The following WDR36 variants were observed in gnomAD, a reference collection of about 807,000 sequenced individuals.
The protein encoded by WDR36 is WD repeat-containing protein 36.
WDR36 carries 63 observed loss-of-function variants against 112.7 expected under a neutral mutation model. The observed-to-expected ratio is 0.56, with a 90% confidence interval of 0.46 to 0.69. The LOEUF (loss-of-function observed/expected upper bound fraction) is 0.69. WDR36 is among the 30% of genes least tolerant of loss of function. The pLI is 0.00. For missense variants in WDR36, 1,226 were observed against 1,070.3 expected, an observed-to-expected ratio of 1.15 and a Z score of -2.03; for synonymous variants, 410 against 362.2, an observed-to-expected ratio of 1.13 and a Z score of -1.50.
At position 111,126,931 on chromosome 5, in the gene WDR36, T is replaced by C; in HGVS notation, c.*48T>C. ...AGACTTTCATATTAAATGGGTTCAATTGAACTCATTTCTTATTTTCCAAGT... is the reference window on the plus strand; with the variant it reads ...AGACTTTCATATTAAATGGGTTCAACTGAACTCATTTCTTATTTTCCAAGT... On this transcript the variant is annotated 3_prime_UTR_variant, in exon 23 of 23. Transcript: ENST00000513710. 6.7e-7 allele frequency: 1 copy of C among 1,489,828 alleles called. No individual in the cohort carries two copies. Among genetic ancestry groups the C allele is most frequent in the Non-Finnish European group, 9.1e-7 (1 of 1,104,802 alleles). The allele number at this position is 1,489,828 out of a possible 1,614,324, so 92.3% of individuals were successfully genotyped here.
intron 15 of WDR36, 169 bp downstream of exon 15, chr5:111,111,447 C>G: frequency 1.6e-6 from 1 of 620,716 alleles, no homozygotes. Flanking sequence ...TAATATTTTT[C>G]AGGGAGTTGA....
chr5:111,118,975 G>C (rs940180849), intron 16 of WDR36, 38 bp from the exon 17 acceptor site: 4 of 1,510,610 alleles, frequency 2.6e-6, no homozygotes, highest in African/African-American at 1.4e-5. Flanking sequence ...CTTTTTGGTA[G>C]AGTTCAAATA....
In WDR36 at chr5:111,125,228, A is replaced by G. The variant is rs149412285; in HGVS notation, c.2351-380A>G. 2.2e-3 allele frequency among the ~76,000 whole-genome samples: 329 copies of G among 152,340 alleles called. 5 individuals are homozygous for G. Among genetic ancestry groups the G allele is most frequent in the East Asian group, 0.014 (72 of 5,190 alleles). ...ATTATTTTACCTCATCAGATTCCCA[A>G]TGCTAACCACTATTAATACTTTTGT... On this transcript the variant is annotated intron_variant, in intron 21 of 22. Transcript: ENST00000513710.
chr5:111,092,830 C>T (rs1303858292), intron 1 of WDR36, among the ~76,000 whole-genome samples: 1 of 152,260 alleles, frequency 6.6e-6, no homozygotes, highest in African/African-American at 2.4e-5. Flanking sequence ...GCAGCCTGGC[C>T]AAGGGGAAAC....
chr5:111,104,386 A>G, intron 8 of WDR36, 34 bp downstream of exon 8: 1 of 1,610,946 alleles, frequency 6.2e-7, no homozygotes, highest in Non-Finnish European at 8.5e-7. Context: ...TTCCTGGCTC[A>G]TCTAACTTAC....
rs80082101 is a variant in WDR36, at chr5:111,105,299, A to C, written c.1032A>C (p.Gln344His). 3 of 1,609,958 alleles carry C rather than the reference A, an allele frequency of 1.9e-6. No homozygotes were observed. Among genetic ancestry groups the C allele is most frequent in the East Asian group, 4.5e-5 (2 of 44,708 alleles). Residue 344 changes from glutamine to histidine, a missense_variant, in exon 10 of 23, where the codon CAA (glutamine) becomes CAC (histidine). Transcript: ENST00000513710. ...QNGQQILSAS[Q>H]DGTLQSFSTV... is the part of the protein sequence containing the mutation. Reference sequence around the variant, plus strand: ...ATTTTCTGTGTATATCAACAGGTCAAGATGGAACTCTTCAGTCATTTTCCA... The same window carrying C: ...ATTTTCTGTGTATATCAACAGGTCACGATGGAACTCTTCAGTCATTTTCCA...
chr5:111,111,614 C>G, intron 15 of WDR36: 1 of 263,756 alleles, frequency 3.8e-6, no homozygotes, highest in East Asian at 9.5e-5. Context: ...TTCTGATTTA[C>G]TATGTATGGA....
At chr5:111,120,418 A>G (rs1479419330) in intron 17 of WDR36, 78 bp from the exon 18 acceptor site, 1 of 1,164,502 alleles carries the variant, frequency 8.6e-7, no homozygotes, top group East Asian at 2.4e-5. Flanking sequence ...TCTGTAGTCA[A>G]ATTCAAGATT....
intron 22 of WDR36, 94 bp downstream of exon 22, chr5:111,125,889 T>C: frequency 1.6e-6 from 2 of 1,278,066 alleles, no homozygotes; most frequent in Non-Finnish European, 2.3e-6. Flanking sequence ...ATGCTGTATA[T>C]CCATCCTTTC....
Position 111,110,172 on chromosome 5 carries a change from G to A in WDR36, c.1327-17G>A, listed in dbSNP as rs532741392. ...AATGTTAGTTATTTTGTCATTTGTG[G>A]GTTTTTTTTCTTAAAGGCAGTGGAT... On this transcript the variant is annotated splice_polypyrimidine_tract_variant and intron_variant, in intron 12 of 22. Transcript: ENST00000513710. 12 of 1,571,512 alleles carry A rather than the reference G, an allele frequency of 7.6e-6. No homozygotes were observed. The highest frequency in any genetic ancestry group is 2.7e-5 in the African/African-American group (2 of 73,970).
chr5:111,094,951 A>G lies in WDR36; in HGVS notation c.190+4A>G, dbSNP rs751154320. 2.5e-6 allele frequency: 4 copies of G among 1,606,304 alleles called. No individual in the cohort carries two copies. The highest frequency in any genetic ancestry group is 3.4e-6 in the Non-Finnish European group (4 of 1,175,252). On this transcript the variant is annotated splice_donor_region_variant and intron_variant, in intron 2 of 22. Coordinates refer to ENST00000513710, the MANE Select transcript of WDR36 (RefSeq NM_139281.3). The stretch of plus-strand genomic sequence containing the variant: ...AAACTTAGTCTGGTTGCAGTAAGTA[A>G]GTATGGACTTTATTCTGAATTTATG...
chr5:111,108,480 G>A (rs1254241077), intron 12 of WDR36, among the ~76,000 whole-genome samples: 3 of 151,198 alleles, frequency 2.0e-5, no homozygotes, highest in African/African-American at 4.8e-5. Flanking sequence ...TCTATTCTCT[G>A]TAGTATGAAA....
At chr5:111,110,155 T>A in intron 12 of WDR36, 34 bp from the exon 13 acceptor site, 1 of 1,450,022 alleles carries the variant, frequency 6.9e-7, no homozygotes, top group Non-Finnish European at 9.7e-7. Flanking sequence ...AAAATGTTAG[T>A]TATTTTGTCA....
At position 111,104,314 on chromosome 5, in the gene WDR36, C is replaced by G. The variant is rs764288483; in HGVS notation, c.868C>G (p.Pro290Ala). The G allele has an allele frequency of 4.3e-6, 7 of 1,611,858 alleles. No homozygotes were observed. The highest frequency in any genetic ancestry group is 1.3e-5 in the African/African-American group (1 of 74,750). Reference sequence around the variant, plus strand: ...CGGACTGACATTTCTCCATAGAGAGCCACTTCTTGTCACAAATGGCGCTGA... The same window carrying G: ...CGGACTGACATTTCTCCATAGAGAGGCACTTCTTGTCACAAATGGCGCTGA... The part of the protein sequence containing the change: ...IAGLTFLHRE[P>A]LLVTNGADNA... The change falls in exon 8 of 23, where the codon CCA (proline) becomes GCA (alanine). Residue 290 changes from proline to alanine, a missense_variant. Pro to Ala is a conservative substitution (Grantham distance 27). Transcript: ENST00000513710.
At chr5:111,125,051 A>G (rs1341216300) in intron 21 of WDR36, among the ~76,000 whole-genome samples, 2 of 152,214 alleles carry the variant, frequency 1.3e-5, no homozygotes, top group Non-Finnish European at 2.9e-5. Flanking sequence ...GGTGCATATG[A>G]AACAATTCTT....
At chr5:111,093,522 T>C (rs1752913093) in intron 1 of WDR36, among the ~76,000 whole-genome samples, 1 of 152,174 alleles carries the variant, frequency 6.6e-6, no homozygotes, top group Non-Finnish European at 1.5e-5. Flanking sequence ...TGAAGAGCAA[T>C]TGGGTTTCTC....
chr5:111,120,456 T>G, intron 17 of WDR36, 40 bp from the exon 18 acceptor site: 29 of 1,513,878 alleles, frequency 1.9e-5, no homozygotes, highest in Non-Finnish European at 2.7e-5. Context: ...AAGAAACTTT[T>G]TATAATTTTT....
At chr5:111,097,287 G>T (rs1753013573) in intron 3 of WDR36, 108 bp downstream of exon 3, 1 of 807,024 alleles carries the variant, frequency 1.2e-6, no homozygotes. Context: ...GAACTATACA[G>T]TATTCTTTTT....
At chr5:111,105,875 A>T (rs1753213172) in intron 10 of WDR36, among the ~76,000 whole-genome samples, 182 bp from the exon 11 acceptor site, 2 of 151,620 alleles carry the variant, frequency 1.3e-5, no homozygotes, top group Admixed American at 1.3e-4. Flanking sequence ...TTTTAACAAT[A>T]TCTAAAATAA....
Sources: gnomAD v4.1 joint callset for allele counts (sites outside exome capture counted in the v4.1 genomes callset) on GRCh38, gnomAD v4.1.1 for gene constraint, MANE v1.5 for transcripts, NCBI Gene and HGNC (gene_info 2026-07-23, HGNC 2026-07-21) for gene names.